The following MCUR1 variants were observed in gnomAD, a reference collection of about 807,000 sequenced individuals.
MCUR1 encodes the protein MCU regulator 1.
In MCUR1, 37 loss-of-function variants were observed where a neutral mutation model predicts 42.0. That is an observed-to-expected ratio of 0.88 (90% CI 0.68 to 1.16). The LOEUF (loss-of-function observed/expected upper bound fraction) is 1.16, where lower values mean the gene tolerates loss of function less well. Ranked by LOEUF, MCUR1 falls within the 50% of genes most tolerant of loss-of-function variation. The probability of loss-of-function intolerance (pLI) is 0.00; values close to 1 mark genes in which losing one functional copy is unlikely to be tolerated. For missense variants in MCUR1, 469 were observed against 468.4 expected, an observed-to-expected ratio of 1.00 and a Z score of -0.01; for synonymous variants, 229 against 196.2, an observed-to-expected ratio of 1.17 and a Z score of -1.40.
At position 13,791,879 on chromosome 6, in the gene MCUR1, T is replaced by G; in HGVS notation, c.1023A>C (p.Ala341=). Residue 341 remains alanine (A), a splice_region_variant and synonymous_variant, in exon 8 of 9, where the codon GCA becomes GCC. Transcript: ENST00000379170. ...SHKLDNIKYL[A]GSIFTCLTVA... is the part of the protein sequence containing the mutation. ...TTAAATAGATACAAAATAGCTTACCTGCTAAATATTTAATATTATCAAGCT... is the reference window on the plus strand; with the variant it reads ...TTAAATAGATACAAAATAGCTTACCGGCTAAATATTTAATATTATCAAGCT... 1 of 1,604,184 alleles carries G rather than the reference T, an allele frequency of 6.2e-7. No homozygotes were observed. Among genetic ancestry groups the G allele is most frequent in the Non-Finnish European group, 8.5e-7 (1 of 1,172,312 alleles).
intron 6 of MCUR1, among the ~76,000 whole-genome samples, chr6:13,795,375 G>A (rs1759834360): frequency 1.3e-5 from 2 of 152,078 alleles, no homozygotes; most frequent in African/African-American, 4.8e-5. Context: ...AAATATTGAC[G>A]CTGTCATGGT....
chr6:13,802,653 G>C (rs1760017617), intron 2 of MCUR1, among the ~76,000 whole-genome samples: 2 of 151,992 alleles, frequency 1.3e-5, no homozygotes, highest in Non-Finnish European at 2.9e-5. Flanking sequence ...TCAACATCAA[G>C]TGAAAAAAGG....
At chr6:13,807,746 C>T (rs1299536693) in intron 1 of MCUR1, among the ~76,000 whole-genome samples, 3 of 152,186 alleles carry the variant, frequency 2.0e-5, no homozygotes, top group African/African-American at 2.4e-5. Flanking sequence ...CTTCTAGCAG[C>T]GCACGAGGGT....
At chr6:13,793,125 C>CAAAAAAAAAAAA (rs781438643) in intron 7 of MCUR1, among the ~76,000 whole-genome samples, 15 of 87,830 alleles carry the variant, frequency 1.7e-4, no homozygotes, top group Non-Finnish European at 2.0e-4. Context: ...GACCCCACCT[C>CAAAAAAAAAAAA]AAAAAAAAAA....
chr6:13,801,846 C>T (rs1391134463), intron 3 of MCUR1, among the ~76,000 whole-genome samples: 1 of 152,060 alleles, frequency 6.6e-6, no homozygotes, highest in African/African-American at 2.4e-5. Context: ...GAGTGATACC[C>T]TGTCTCAAAA....
intron 6 of MCUR1, among the ~76,000 whole-genome samples, chr6:13,797,563 C>G (rs1379020454): frequency 1.3e-5 from 2 of 151,898 alleles, no homozygotes; most frequent in African/African-American, 4.8e-5. Context: ...AAAAAATTAG[C>G]TGGGCGTGGT....
At chr6:13,812,074 A>G (rs570453956) in intron 1 of MCUR1, among the ~76,000 whole-genome samples, 5 of 152,264 alleles carry the variant, frequency 3.3e-5, no homozygotes, top group South Asian at 2.1e-4. Context: ...CACTGATCAT[A>G]AGGAAGCGAG....
At chr6:13,813,428 C>A (rs1760281623) in intron 1 of MCUR1, among the ~76,000 whole-genome samples, 1 of 152,038 alleles carries the variant, frequency 6.6e-6, no homozygotes, top group African/African-American at 2.4e-5. Flanking sequence ...ATATATACAT[C>A]AATTATGCAT....
chr6:13,791,981 T>C lies in MCUR1; in HGVS notation c.921A>G (p.Gln307=), dbSNP rs1297009956. The C allele has an allele frequency of 1.2e-6, 2 of 1,613,834 alleles. No homozygotes were observed. Among genetic ancestry groups the C allele is most frequent in the South Asian group, 1.1e-5 (1 of 91,060 alleles). Residue 307 remains glutamine (Q), a synonymous_variant, in exon 8 of 9, where the codon CAA becomes CAG. Coordinates refer to ENST00000379170, the MANE Select transcript of MCUR1 (RefSeq NM_001031713.4). ...RTEIVALHAQ[Q]DRALTQTDRK... is the part of the protein sequence containing the mutation. ...TGTCTGTCTGGGTAAGGGCCCGATC[T>C]TGCTGGGCATGCTTTTAAAATGAAG... is the stretch of plus-strand genomic sequence containing the variant.
At chr6:13,796,003 A>G (rs1244121750) in intron 6 of MCUR1, among the ~76,000 whole-genome samples, 1 of 152,260 alleles carries the variant, frequency 6.6e-6, no homozygotes, top group Admixed American at 6.5e-5. Flanking sequence ...CATGATGGAC[A>G]GGATTTAATT....
At chr6:13,806,619 T>A (rs1375827593) in intron 2 of MCUR1, among the ~76,000 whole-genome samples, 2 of 152,096 alleles carry the variant, frequency 1.3e-5, no homozygotes, top group African/African-American at 4.8e-5. Context: ...CCCATAGGCC[T>A]AAAAGTCAAA....
At chr6:13,796,653 T>C (rs1262802704) in intron 6 of MCUR1, among the ~76,000 whole-genome samples, 1 of 152,196 alleles carries the variant, frequency 6.6e-6, no homozygotes, top group Non-Finnish European at 1.5e-5. Flanking sequence ...AAAATTTTTG[T>C]TTGCTGGATG....
intron 8 of MCUR1, 106 bp downstream of exon 8, chr6:13,791,772 T>C: frequency 1.4e-6 from 1 of 710,524 alleles, no homozygotes; most frequent in Non-Finnish European, 2.2e-6. Flanking sequence ...GATGTTAAAA[T>C]ATTTCAGAAA....
intron 1 of MCUR1, among the ~76,000 whole-genome samples, chr6:13,808,110 T>C (rs1760151331): frequency 6.6e-6 from 1 of 152,216 alleles, no homozygotes; most frequent in Non-Finnish European, 1.5e-5. Context: ...GGTAGGTTTC[T>C]GATAAAAGAA....
rs760383476 is a variant in MCUR1, at chr6:13,814,213, G to T, written c.217C>A (p.Leu73Met). 1 of 1,453,136 alleles carries T rather than the reference G, an allele frequency of 6.9e-7. No individual in the cohort carries two copies. The highest frequency in any genetic ancestry group is 1.3e-5 in the South Asian group (1 of 74,434). The allele number at this position is 1,453,136 out of a possible 1,614,324, so 90.0% of individuals were successfully genotyped here. ...GCCAAGCGCGGGGAGGGCACTAGCA[G>T]GAGGAGGAGCAGCGGTGAGGCACGT... ...VSRASPLLLL[L>M]LVPSPRLAAA... The change falls in exon 1 of 9, where the codon CTG becomes ATG. Residue 73 changes from leucine (L) to methionine (M), a missense_variant. Coordinates refer to ENST00000379170, the MANE Select transcript of MCUR1 (RefSeq NM_001031713.4).
chr6:13,800,537 T>C (rs1584986028), intron 4 of MCUR1, among the ~76,000 whole-genome samples, 155 bp from the exon 5 acceptor site: 1 of 152,256 alleles, frequency 6.6e-6, no homozygotes, highest in Admixed American at 6.5e-5. Context: ...CACACGTATC[T>C]TGAAATCAGT....
chr6:13,803,336 C>T (rs547824819), intron 2 of MCUR1, among the ~76,000 whole-genome samples: 3 of 152,364 alleles, frequency 2.0e-5, no homozygotes, highest in Non-Finnish European at 4.4e-5. Context: ...GCTGGGATTA[C>T]AGGCGCAAGC....
chr6:13,807,182 A>G (rs1760130074), intron 1 of MCUR1, 138 bp from the exon 2 acceptor site: 1 of 889,828 alleles, frequency 1.1e-6, no homozygotes, highest in Non-Finnish European at 1.6e-6. Flanking sequence ...AATTCACCCA[A>G]TTTCAAGCAT....
At position 13,786,776 on chromosome 6, in the gene MCUR1, T is replaced by A. The variant is rs1313061164; in HGVS notation, c.*4033A>T. On this transcript the variant is annotated 3_prime_UTR_variant, in exon 9 of 9. Transcript: ENST00000379170. ...AAGAATCTTACACTTTATTAGATAA[T>A]AAAACATAATTGATATTTGCTTAAG... The A allele has an allele frequency of 6.6e-6, 1 of 152,192 alleles. No homozygotes were observed. Among genetic ancestry groups the A allele is most frequent in the East Asian group, 1.9e-4 (1 of 5,200 alleles). The allele number at this position is 152,192 out of a possible 1,614,324, so 9.4% of individuals were successfully genotyped here. A position where few individuals can be genotyped will look rare whatever the true frequency, so the allele number is the denominator to read the frequency against.
Sources: gnomAD v4.1 joint callset for allele counts (sites outside exome capture counted in the v4.1 genomes callset) on GRCh38, gnomAD v4.1.1 for gene constraint, MANE v1.5 for transcripts, NCBI Gene and HGNC (gene_info 2026-07-23, HGNC 2026-07-21) for gene names.